HYDIN: variants seen among roughly 807,000 people sequenced by gnomAD.
HYDIN encodes the protein HYDIN axonemal central pair apparatus protein.
Under a neutral mutation model 403.9 loss-of-function variants are expected in HYDIN, and 132 were observed. That is an observed-to-expected ratio of 0.33 (90% confidence interval 0.28 to 0.38). The LOEUF (loss-of-function observed/expected upper bound fraction) is 0.38, where lower values mean the gene tolerates loss of function less well. Ranked by LOEUF, HYDIN falls within the 10% of genes least tolerant of loss-of-function variation. The pLI is 1.00. For missense variants in HYDIN, 2,827 were observed against 5,009.5 expected, an observed-to-expected ratio of 0.56 and a Z score of 13.15; for synonymous variants, 1,202 against 1,891.7, an observed-to-expected ratio of 0.64 and a Z score of 9.46.
At chr16:71,038,595 T>C (rs1433838897) in intron 18 of HYDIN, among the ~76,000 whole-genome samples, 1 of 151,558 alleles carries the variant, frequency 6.6e-6, no homozygotes, top group African/African-American at 2.4e-5. Flanking sequence ...TACACTATTA[T>C]CTCAGCAGAT....
chr16:70,871,994 A>T, intron 65 of HYDIN, 43 bp downstream of exon 65: 10 of 1,599,162 alleles, frequency 6.3e-6, no homozygotes, highest in Non-Finnish European at 8.5e-6. Context: ...GGGTTGGCTT[A>T]GGACTAAGGG....
At chr16:71,058,750 T>C (rs556789133) in intron 18 of HYDIN, among the ~76,000 whole-genome samples, 13 of 152,232 alleles carry the variant, frequency 8.5e-5, no homozygotes, top group African/African-American at 2.6e-4. Flanking sequence ...TGAAATACAG[T>C]TGACCCTTGA....
intron 10 of HYDIN, among the ~76,000 whole-genome samples, chr16:71,106,654 T>A (rs1199934240): frequency 6.6e-6 from 1 of 152,134 alleles, no homozygotes; most frequent in Non-Finnish European, 1.5e-5. Flanking sequence ...GCCTTCCCTG[T>A]TTTTTCCTGT....
chr16:71,116,698 T>G (rs1171198757), intron 9 of HYDIN, among the ~76,000 whole-genome samples: 2 of 152,172 alleles, frequency 1.3e-5, no homozygotes, highest in Non-Finnish European at 2.9e-5. Flanking sequence ...ATTTTTCTAA[T>G]AAGTACAAGA....
At chr16:70,843,531 G>A (rs2037985811) in intron 75 of HYDIN, among the ~76,000 whole-genome samples, 3 of 141,308 alleles carry the variant, frequency 2.1e-5, no homozygotes, top group Non-Finnish European at 4.5e-5. Flanking sequence ...ATAGCAGCAT[G>A]ATTTATAGTC....
At chr16:70,810,615 A>G (rs1468069711) in intron 84 of HYDIN, among the ~76,000 whole-genome samples, 1 of 152,084 alleles carries the variant, frequency 6.6e-6, no homozygotes, top group Non-Finnish European at 1.5e-5. Flanking sequence ...GTGGATCACA[A>G]GGTCAGGAGT....
intron 20 of HYDIN, among the ~76,000 whole-genome samples, chr16:71,026,590 G>A (rs2080707762): frequency 6.6e-6 from 1 of 152,138 alleles, no homozygotes; most frequent in Admixed American, 6.5e-5. Flanking sequence ...GCCTAGCACA[G>A]TATTTGTCAC....
At chr16:70,991,257 C>T in intron 25 of HYDIN, 61 bp downstream of exon 25, 2 of 1,606,214 alleles carry the variant, frequency 1.2e-6, no homozygotes, top group Non-Finnish European at 8.5e-7. Flanking sequence ...CCTGATTCTG[C>T]CTTTGTTTTA....
chr16:70,843,217 A>T (rs986844903), intron 75 of HYDIN, among the ~76,000 whole-genome samples: 6 of 113,888 alleles, frequency 5.3e-5, no homozygotes, highest in Non-Finnish European at 1.0e-4. Context: ...CACAGTCCCC[A>T]GAGTGTGATG....
intron 4 of HYDIN, chr16:71,175,972 T>C (rs778167490): frequency 3.7e-6 from 2 of 542,860 alleles, no homozygotes; most frequent in Non-Finnish European, 6.6e-6. Flanking sequence ...TTATTTTTAT[T>C]ATTATTACAA....
chr16:70,880,311 G>A (rs1374188369), intron 60 of HYDIN, among the ~76,000 whole-genome samples: 2 of 138,118 alleles, frequency 1.4e-5, no homozygotes, highest in Admixed American at 7.2e-5. Context: ...TGCCTGCCTC[G>A]GCCTCCCATA....
chr16:70,979,880 C>T (rs577943134), intron 29 of HYDIN, among the ~76,000 whole-genome samples: 17 of 152,132 alleles, frequency 1.1e-4, no homozygotes, highest in African/African-American at 3.6e-4. Context: ...GCTGAGACCC[C>T]GTCACTGAAC....
At position 71,230,684 on chromosome 16, in the gene HYDIN, C is replaced by T. The variant is rs2041248174; in HGVS notation, c.-146G>A. On this transcript the variant is annotated 5_prime_UTR_variant, in exon 1 of 86. Transcript: ENST00000393567. ...CCCAGCTTGAAGCCGCCCGCACTCT[C>T]CATGCGCCGCCCGAGCTGTTGCCGT... The T allele has an allele frequency of 6.5e-7, 1 of 1,536,096 alleles. No individual in the cohort carries two copies. Among genetic ancestry groups the T allele is most frequent in the East Asian group, 2.4e-5 (1 of 40,914 alleles).
At chr16:70,980,680 T>A (rs2079020143) in intron 29 of HYDIN, among the ~76,000 whole-genome samples, 1 of 151,842 alleles carries the variant, frequency 6.6e-6, no homozygotes, top group Non-Finnish European at 1.5e-5. Context: ...GGACTTAGTC[T>A]GAAGCTTTTT....
intron 1 of HYDIN, among the ~76,000 whole-genome samples, chr16:71,217,317 C>G (rs2088938673): frequency 6.6e-6 from 1 of 152,132 alleles, no homozygotes. Context: ...AATACAGGTA[C>G]CTCTACATTG....
intron 83 of HYDIN, among the ~76,000 whole-genome samples, chr16:70,821,679 A>G (rs2036271701): frequency 6.6e-6 from 1 of 151,874 alleles, no homozygotes; most frequent in Admixed American, 6.6e-5. Context: ...GTACAGGCAT[A>G]GTTTTCTTTG....
chr16:71,212,321 GTCATAAACTTAC>G (rs1273657160), intron 1 of HYDIN, among the ~76,000 whole-genome samples: 3 of 152,140 alleles, frequency 2.0e-5, no homozygotes, highest in African/African-American at 7.2e-5. Context: ...CCTTACCTAA[GTCATAAACTTAC>G]TTTCAAATGA....
intron 66 of HYDIN, among the ~76,000 whole-genome samples, chr16:70,867,028 CAAAA>C (rs34578135): frequency 2.2e-5 from 2 of 92,966 alleles, no homozygotes; most frequent in Admixed American, 1.2e-4. Flanking sequence ...CTGTCCCCCT[CAAAA>C]AAAAAAAAAA....
chr16:71,179,339 G>GAA (rs11415972), intron 3 of HYDIN, among the ~76,000 whole-genome samples: 18 of 136,360 alleles, frequency 1.3e-4, no homozygotes, highest in African/African-American at 4.6e-4. Context: ...TTTAAATCCT[G>GAA]AAAAAAAAAA....
Sources: gnomAD v4.1 joint callset for allele counts (sites outside exome capture counted in the v4.1 genomes callset) on GRCh38, gnomAD v4.1.1 for gene constraint, MANE v1.5 for transcripts, NCBI Gene and HGNC (gene_info 2026-07-23, HGNC 2026-07-21) for gene names.